The following SGMS1 variants were observed in gnomAD, a reference collection of about 807,000 sequenced individuals.
SGMS1 encodes sphingomyelin synthase 1.
In SGMS1, 13 loss-of-function variants were observed where a neutral mutation model predicts 46.2. The ratio of observed to expected loss-of-function variants is 0.28; its 90% confidence interval spans 0.18 to 0.45. The LOEUF (loss-of-function observed/expected upper bound fraction) is 0.45, where lower values mean the gene tolerates loss of function less well. SGMS1 is among the 20% of genes least tolerant of loss of function. The pLI is 1.00. For missense variants in SGMS1, 324 were observed against 519.9 expected (o/e 0.62, Z 3.66); for synonymous variants, 203 against 187.8 (o/e 1.08, Z -0.66).
intron 6 of SGMS1, among the ~76,000 whole-genome samples, chr10:50,374,776 A>G (rs1251909780): frequency 1.3e-5 from 2 of 152,082 alleles, no homozygotes; most frequent in Non-Finnish European, 2.9e-5. Flanking sequence ...TAATATGCCT[A>G]CTATGCTCTA....
intron 6 of SGMS1, among the ~76,000 whole-genome samples, chr10:50,385,518 GA>G (rs1848669935): frequency 1.3e-5 from 2 of 152,256 alleles, no homozygotes; most frequent in African/African-American, 4.8e-5. Flanking sequence ...AAGGTTAAAT[GA>G]AATAACATAT....
intron 3 of SGMS1, among the ~76,000 whole-genome samples, chr10:50,483,030 C>A (rs573500339): frequency 6.6e-6 from 1 of 152,146 alleles, no homozygotes; most frequent in South Asian, 2.1e-4. Flanking sequence ...ATATATGCAC[C>A]CAATACAGGA....
intron 1 of SGMS1, among the ~76,000 whole-genome samples, chr10:50,616,293 T>C (rs924751645): frequency 6.6e-6 from 1 of 151,214 alleles, no homozygotes; most frequent in African/African-American, 2.5e-5. Context: ...GCTAATTTTA[T>C]GTATTTATTT....
intron 5 of SGMS1, among the ~76,000 whole-genome samples, chr10:50,433,882 T>G (rs1269960297): frequency 1.3e-5 from 2 of 152,140 alleles, no homozygotes; most frequent in Non-Finnish European, 2.9e-5. Context: ...TCTCTCTCCA[T>G]CTCTCCTCCC....
rs553429795 is a variant in SGMS1 at position 50,308,248 on chromosome 10, T to A, written c.896-100A>T. 2.1e-5 allele frequency: 22 copies of A among 1,056,922 alleles called. No individual in the cohort carries two copies. The African/African-American group carries it at 3.2e-4, about 15-fold the overall frequency. 65.5% of individuals were successfully genotyped at this position (1,056,922 alleles called of 1,614,324 possible). ...TGCTTCTGAATCCAATTACCTTGAG[T>A]CTTCCCTTCTGAAAACAGATCTAGT... is the stretch of plus-strand genomic sequence containing the variant. On this transcript the variant is annotated intron_variant, in intron 9 of 10. Transcript: ENST00000361781.
At chr10:50,448,546 A>T (rs1429430880) in intron 5 of SGMS1, among the ~76,000 whole-genome samples, 1 of 152,118 alleles carries the variant, frequency 6.6e-6, no homozygotes, top group Non-Finnish European at 1.5e-5. Context: ...GGAGTTCGAG[A>T]CCAGCCTGAC....
At chr10:50,460,137 A>G (rs1221420241) in intron 5 of SGMS1, 2 of 152,162 alleles carry the variant, frequency 1.3e-5, no homozygotes, top group East Asian at 3.9e-4. Flanking sequence ...ATTGTTGAGG[A>G]GATAAAAATT....
intron 2 of SGMS1, among the ~76,000 whole-genome samples, chr10:50,583,492 G>T (rs1410841155): frequency 6.6e-6 from 1 of 152,140 alleles, no homozygotes; most frequent in East Asian, 1.9e-4. Flanking sequence ...AATAGGAATA[G>T]GCCAATATAC....
At chr10:50,415,308 T>TA (rs1407468793) in intron 6 of SGMS1, among the ~76,000 whole-genome samples, 1 of 152,218 alleles carries the variant, frequency 6.6e-6, no homozygotes, top group Non-Finnish European at 1.5e-5. Context: ...ACCAATCTTT[T>TA]AAAAAATGTG....
At chr10:50,466,011 G>C (rs1233822020) in intron 4 of SGMS1, among the ~76,000 whole-genome samples, 1 of 152,040 alleles carries the variant, frequency 6.6e-6, no homozygotes, top group African/African-American at 2.4e-5. Flanking sequence ...TAAAGAGACA[G>C]GAAAAGTAGG....
chr10:50,330,274 C>T (rs540869429), intron 7 of SGMS1, among the ~76,000 whole-genome samples: 4 of 142,866 alleles, frequency 2.8e-5, no homozygotes, highest in African/African-American at 4.9e-5. Context: ...GACAACATAG[C>T]GCAACCCTGT....
chr10:50,504,115 C>T (rs558001722), intron 3 of SGMS1, among the ~76,000 whole-genome samples: 1 of 152,306 alleles, frequency 6.6e-6, no homozygotes, highest in East Asian at 1.9e-4. Flanking sequence ...AATTGAGACA[C>T]AGTCTGACAA....
At chr10:50,329,891 C>A (rs1390662765) in intron 7 of SGMS1, among the ~76,000 whole-genome samples, 1 of 152,078 alleles carries the variant, frequency 6.6e-6, no homozygotes, top group African/African-American at 2.4e-5. Flanking sequence ...CTATTTTTCT[C>A]CCAAGTGTTA....
intron 3 of SGMS1, among the ~76,000 whole-genome samples, chr10:50,485,451 C>G (rs781187129): frequency 2.5e-4 from 38 of 152,276 alleles, no homozygotes; most frequent in Admixed American, 5.9e-4. Context: ...GAACTAATAT[C>G]ATTAAAATGG....
chr10:50,591,705 A>C (rs1838542722), intron 1 of SGMS1, among the ~76,000 whole-genome samples: 1 of 152,238 alleles, frequency 6.6e-6, no homozygotes, highest in Admixed American at 6.5e-5. Flanking sequence ...AAAGGCAGTT[A>C]TATTTGCTGT....
chr10:50,472,256 T>C (rs1340022590), intron 3 of SGMS1, among the ~76,000 whole-genome samples: 1 of 152,198 alleles, frequency 6.6e-6, no homozygotes, highest in African/African-American at 2.4e-5. Context: ...TTTTGAAATC[T>C]ATGATGCATT....
intron 8 of SGMS1, among the ~76,000 whole-genome samples, chr10:50,312,488 G>A (rs1167160099): frequency 6.6e-6 from 1 of 152,046 alleles, no homozygotes; most frequent in Non-Finnish European, 1.5e-5. Context: ...AGAATCTGGG[G>A]ACTAAGAAGA....
chr10:50,580,202 A>G (rs767187257), intron 2 of SGMS1, among the ~76,000 whole-genome samples: 8 of 152,118 alleles, frequency 5.3e-5, no homozygotes, highest in Non-Finnish European at 1.0e-4. Flanking sequence ...AAGAGAAACA[A>G]GCATAACAGG....
At chr10:50,524,868 AATAAG>A (rs1327109900) in intron 2 of SGMS1, among the ~76,000 whole-genome samples, 14 of 152,194 alleles carry the variant, frequency 9.2e-5, no homozygotes. Context: ...AAAGGGTAAA[AATAAG>A]ATGAGAGTAA....
Sources: gnomAD v4.1 joint callset for allele counts (sites outside exome capture counted in the v4.1 genomes callset) on GRCh38, gnomAD v4.1.1 for gene constraint, MANE v1.5 for transcripts, NCBI Gene and HGNC (gene_info 2026-07-23, HGNC 2026-07-21) for gene names.